The following MBNL2 variants were observed in gnomAD, a reference collection of about 807,000 sequenced individuals.
MBNL2 encodes muscleblind-like protein 2.
A neutral mutation model predicts 41.9 loss-of-function variants in MBNL2; 17 were observed. That is an observed-to-expected ratio of 0.41 (90% CI 0.28 to 0.61). MBNL2 has a LOEUF of 0.61. Ranked by LOEUF, MBNL2 falls within the 20% of genes least tolerant of loss-of-function variation. The pLI is 0.35. For missense variants in MBNL2, 336 were observed against 505.6 expected, an observed-to-expected ratio of 0.66 and a Z score of 3.22; for synonymous variants, 195 against 182.9, an observed-to-expected ratio of 1.07 and a Z score of -0.53.
intron 1 of MBNL2, among the ~76,000 whole-genome samples, chr13:97,257,665 T>C (rs1005396142): frequency 3.2e-4 from 49 of 152,246 alleles, no homozygotes; most frequent in Non-Finnish European, 6.2e-4. Flanking sequence ...TCTACCTCGT[T>C]TGTTTCAGTC....
intron 8 of MBNL2, among the ~76,000 whole-genome samples, chr13:97,377,093 C>CCAGA (rs1484863233): frequency 2.0e-5 from 3 of 152,178 alleles, no homozygotes. Flanking sequence ...CCACCACGTG[C>CCAGA]CAGACACTGG....
intron 2 of MBNL2, among the ~76,000 whole-genome samples, chr13:97,283,967 A>G (rs1348863298): frequency 3.3e-5 from 5 of 152,220 alleles, no homozygotes; most frequent in Non-Finnish European, 7.3e-5. Flanking sequence ...CATATGCACC[A>G]TAGAGAAAGC....
At chr13:97,297,363 C>T (rs769547105) in intron 2 of MBNL2, among the ~76,000 whole-genome samples, 2 of 152,128 alleles carry the variant, frequency 1.3e-5, no homozygotes, top group East Asian at 3.9e-4. Flanking sequence ...GGAAGGGTCT[C>T]CATGTGTCCT....
chr13:97,347,313 T>C (rs2061974204), intron 5 of MBNL2, among the ~76,000 whole-genome samples: 1 of 152,124 alleles, frequency 6.6e-6, no homozygotes, highest in South Asian at 2.1e-4. Flanking sequence ...CTGAGCTCCG[T>C]TCCCCCTCCT....
At chr13:97,227,253 A>C (rs2041781810) in intron 1 of MBNL2, among the ~76,000 whole-genome samples, 1 of 152,156 alleles carries the variant, frequency 6.6e-6, no homozygotes, top group African/African-American at 2.4e-5. Context: ...CTTTTCAGGC[A>C]TGGGTCTTGG....
chr13:97,189,701 A>C, the MBNL2 span, among the ~76,000 whole-genome samples: 1 of 152,244 alleles, frequency 6.6e-6, no homozygotes, highest in African/African-American at 2.4e-5. Flanking sequence ...ATATATACAT[A>C]CATGTGTGGA....
chr13:97,360,859 G>A (rs1329483723), intron 7 of MBNL2, among the ~76,000 whole-genome samples: 1 of 152,160 alleles, frequency 6.6e-6, no homozygotes, highest in Non-Finnish European at 1.5e-5. Flanking sequence ...TCATTATACT[G>A]GAAGTACAGA....
At chr13:97,185,291 A>G in the MBNL2 span, among the ~76,000 whole-genome samples, 5 of 152,258 alleles carry the variant, frequency 3.3e-5, no homozygotes, top group African/African-American at 1.2e-4. Flanking sequence ...ACTTAGTTTT[A>G]TAAAAGAAAT....
chr13:97,293,352 T>A (rs992761478), intron 2 of MBNL2, among the ~76,000 whole-genome samples: 15 of 152,202 alleles, frequency 9.9e-5, no homozygotes, highest in Non-Finnish European at 1.5e-4. Context: ...TCCTTTGAAA[T>A]TCTAGTAATA....
intron 8 of MBNL2, among the ~76,000 whole-genome samples, chr13:97,369,806 A>T (rs2064191739): frequency 1.3e-5 from 2 of 152,226 alleles, no homozygotes; most frequent in Non-Finnish European, 2.9e-5. Flanking sequence ...ATAAAGACAG[A>T]ATCCAAATAT....
At chr13:97,319,857 TTCCGTGGGAAAAA>T (rs2059358336) in intron 2 of MBNL2, among the ~76,000 whole-genome samples, 1 of 152,184 alleles carries the variant, frequency 6.6e-6, no homozygotes, top group Non-Finnish European at 1.5e-5. Flanking sequence ...CTATTAAATC[TTCCGTGGGAAAAA>T]TCGGATGGCA....
chr13:97,299,392 A>G lies in MBNL2; in HGVS notation c.174+22983A>G, dbSNP rs553359633. 3.2e-4 allele frequency among the ~76,000 whole-genome samples: 49 copies of G among 152,288 alleles called. No individual in the cohort carries two copies. The South Asian group carries it at 4.1e-3, about 13-fold the overall frequency. ...GAGAGAGGAGACAGACACCAAGCAA[A>G]TAAATAAATTTATGGAATCGATTGA... On this transcript the variant is annotated intron_variant, in intron 2 of 8. Coordinates refer to ENST00000679496, the MANE Select transcript of MBNL2 (RefSeq NM_001382683.1).
chr13:97,274,597 C>A (rs904136867), intron 1 of MBNL2, among the ~76,000 whole-genome samples: 2 of 152,036 alleles, frequency 1.3e-5, no homozygotes, highest in Non-Finnish European at 2.9e-5. Flanking sequence ...TCATTAAGTT[C>A]TTCTTAGGTA....
chr13:97,278,715 C>G (rs184257041), intron 2 of MBNL2, among the ~76,000 whole-genome samples: 1 of 152,280 alleles, frequency 6.6e-6, no homozygotes, highest in Admixed American at 6.5e-5. Flanking sequence ...CCTGCTGGAG[C>G]CTTTTTGAGG....
intron 2 of MBNL2, among the ~76,000 whole-genome samples, chr13:97,278,116 A>G (rs990661594): frequency 6.6e-6 from 1 of 151,864 alleles, no homozygotes; most frequent in African/African-American, 2.4e-5. Flanking sequence ...TTAGCAGGGC[A>G]TGGTGGTGCA....
At chr13:97,322,030 T>G (rs894819795) in intron 2 of MBNL2, among the ~76,000 whole-genome samples, 1 of 152,224 alleles carries the variant, frequency 6.6e-6, no homozygotes, top group Non-Finnish European at 1.5e-5. Context: ...TATAAGTCTC[T>G]GCTATTTTTA....
At chr13:97,365,933 C>G (rs552103807) in intron 8 of MBNL2, among the ~76,000 whole-genome samples, 4 of 152,180 alleles carry the variant, frequency 2.6e-5, no homozygotes, top group African/African-American at 9.6e-5. Flanking sequence ...AACCACAACC[C>G]ACAGCAGTTG....
upstream of MBNL2, among the ~76,000 whole-genome samples, chr13:97,220,862 A>T (rs1391357690): frequency 6.6e-6 from 1 of 152,184 alleles, no homozygotes; most frequent in Non-Finnish European, 1.5e-5. Context: ...GGAAGAGGAG[A>T]ATCACAAATC....
the MBNL2 span, among the ~76,000 whole-genome samples, chr13:97,188,308 G>A: frequency 1.3e-5 from 2 of 152,098 alleles, no homozygotes; most frequent in Non-Finnish European, 2.9e-5. Flanking sequence ...CAGTTCCTAA[G>A]TGGGCATACG....
Sources: gnomAD v4.1 joint callset for allele counts (sites outside exome capture counted in the v4.1 genomes callset) on GRCh38, gnomAD v4.1.1 for gene constraint, MANE v1.5 for transcripts, NCBI Gene and HGNC (gene_info 2026-07-23, HGNC 2026-07-21) for gene names.